FMN2: variants seen among roughly 807,000 people sequenced by gnomAD.
FMN2 encodes the protein formin-2.
In FMN2, 51 loss-of-function variants were observed where a neutral mutation model predicts 142.3. That is an observed-to-expected ratio of 0.36 (90% confidence interval 0.29 to 0.45). FMN2 has a LOEUF of 0.45. FMN2 is among the 20% of genes least tolerant of loss of function. The pLI is 1.00. For synonymous variants in FMN2, 882 were observed against 869.8 expected (o/e 1.01, Z -0.25); for missense variants, 1,936 against 2,122.8 (o/e 0.91, Z 1.73).
At chr1:240,339,427 G>A (rs981702963) in intron 13 of FMN2, among the ~76,000 whole-genome samples, 15 of 151,734 alleles carry the variant, frequency 9.9e-5, no homozygotes, top group Middle Eastern at 3.2e-3. Flanking sequence ...GTATATATAG[G>A]TTTCAGTACC....
intron 14 of FMN2, among the ~76,000 whole-genome samples, chr1:240,360,076 C>T (rs1672409027): frequency 6.6e-6 from 1 of 152,150 alleles, no homozygotes; most frequent in African/African-American, 2.4e-5. Flanking sequence ...TAAAAGGACA[C>T]CGACTAGTAT....
chr1:240,417,261 C>A (rs560881338), intron 15 of FMN2, among the ~76,000 whole-genome samples: 41 of 151,340 alleles, frequency 2.7e-4, no homozygotes, highest in African/African-American at 9.5e-4. Context: ...CACCCTTTAA[C>A]ATCTCTGAGA....
At chr1:240,371,322 C>T (rs1027126527) in intron 14 of FMN2, among the ~76,000 whole-genome samples, 7 of 152,058 alleles carry the variant, frequency 4.6e-5, no homozygotes, top group African/African-American at 1.7e-4. Context: ...AAATTAATTG[C>T]ATATTTTTTC....
At chr1:240,359,793 G>T (rs1041223702) in intron 14 of FMN2, among the ~76,000 whole-genome samples, 5 of 152,190 alleles carry the variant, frequency 3.3e-5, no homozygotes, top group Admixed American at 3.3e-4. Flanking sequence ...AAATTGTTCT[G>T]ACGGCCACCT....
chr1:240,289,601 A>G (rs946009837), intron 7 of FMN2, among the ~76,000 whole-genome samples: 4 of 151,898 alleles, frequency 2.6e-5, no homozygotes, highest in African/African-American at 4.8e-5. Flanking sequence ...GATTGCTTGA[A>G]CCCAGGAGTC....
chr1:240,130,191 G>A (rs1662680110), intron 2 of FMN2, among the ~76,000 whole-genome samples: 1 of 152,180 alleles, frequency 6.6e-6, no homozygotes, highest in Non-Finnish European at 1.5e-5. Context: ...GCACTGCAGA[G>A]GCAGATATAT....
intron 1 of FMN2, among the ~76,000 whole-genome samples, chr1:240,110,183 T>C (rs1054877734): frequency 7.9e-5 from 12 of 152,208 alleles, no homozygotes; most frequent in African/African-American, 2.2e-4. Context: ...CCAGAGTTGC[T>C]GGCTGAGTCA....
chr1:240,321,596 TGTA>T (rs1243007251), intron 8 of FMN2, among the ~76,000 whole-genome samples: 1 of 152,210 alleles, frequency 6.6e-6, no homozygotes, highest in Non-Finnish European at 1.5e-5. Flanking sequence ...ACTAACTTGG[TGTA>T]GTACTAAAGA....
chr1:240,185,309 A>C (rs949345956), intron 3 of FMN2, among the ~76,000 whole-genome samples: 1 of 151,588 alleles, frequency 6.6e-6, no homozygotes, highest in Non-Finnish European at 1.5e-5. Context: ...TTTTTCAGTG[A>C]AGTTATTCTG....
In FMN2 at chr1:240,401,891, T is replaced by TC. The variant is rs1674005020; in HGVS notation, c.4910+9333dup. Among the ~76,000 whole-genome samples, 13 of 152,246 alleles carry TC rather than the reference T, an allele frequency of 8.5e-5. No individual in the cohort carries two copies. The South Asian group carries it at 2.5e-3, about 29-fold the overall frequency. On this transcript the variant is annotated intron_variant, in intron 15 of 17. Transcript: ENST00000319653. ...TACAAGTGAGTAAACCACAGAAAGT[T>TC]CCCCAAGTTCCCGGGCCTCCACTTC... is the stretch of plus-strand genomic sequence containing the variant.
At chr1:240,396,302 T>TTGTGTGTG in intron 15 of FMN2, among the ~76,000 whole-genome samples, 1 of 105,006 alleles carries the variant, frequency 9.5e-6, no homozygotes, top group African/African-American at 4.4e-5. Flanking sequence ...TCCGAGGTTT[T>TTGTGTGTG]CGTGTGTGTG....
chr1:240,346,756 T>A (rs7554978), intron 13 of FMN2, among the ~76,000 whole-genome samples: 94,156 of 151,904 alleles, frequency 0.62, 31,269 homozygotes, highest in African/African-American at 0.88. Flanking sequence ...TTTGAGTTGA[T>A]ATTTAGTCCC....
chr1:240,367,026 G>A (rs12046315), intron 14 of FMN2, among the ~76,000 whole-genome samples: 1 of 152,128 alleles, frequency 6.6e-6, no homozygotes, highest in Non-Finnish European at 1.5e-5. Context: ...AAAATGATTA[G>A]TTCTCATCTG....
chr1:240,274,221 GAA>G (rs112979143), intron 7 of FMN2, among the ~76,000 whole-genome samples: 23 of 109,410 alleles, frequency 2.1e-4, no homozygotes, highest in East Asian at 5.3e-4. Context: ...TGGGGGAAAC[GAA>G]AAAAAAAAAA....
At chr1:240,163,371 C>T (rs1664356837) in intron 2 of FMN2, among the ~76,000 whole-genome samples, 1 of 152,082 alleles carries the variant, frequency 6.6e-6, no homozygotes, top group African/African-American at 2.4e-5. Flanking sequence ...GCTATGTGTG[C>T]TTTGAAGCCT....
intron 13 of FMN2, among the ~76,000 whole-genome samples, chr1:240,348,665 A>G (rs6658239): frequency 0.19 from 28,398 of 152,006 alleles, 2,973 homozygotes; most frequent in Admixed American, 0.3. Flanking sequence ...TGAAGTTTAC[A>G]TCTTCATGAA....
chr1:240,439,144 G>C (rs547335914), intron 16 of FMN2, among the ~76,000 whole-genome samples: 90 of 151,912 alleles, frequency 5.9e-4, no homozygotes, highest in Admixed American at 5.9e-3. Context: ...ATTGTGGTGG[G>C]CACCTGTAAT....
intron 3 of FMN2, among the ~76,000 whole-genome samples, chr1:240,186,877 A>C (rs9970852): frequency 2.0e-5 from 3 of 151,874 alleles, no homozygotes; most frequent in South Asian, 2.1e-4. Context: ...CAGTATGTTA[A>C]GCTGTTTAAA....
At chr1:240,205,492 C>CGCTCTG (rs2103381884) in intron 4 of FMN2, among the ~76,000 whole-genome samples, 1 of 129,668 alleles carries the variant, frequency 7.7e-6, no homozygotes, top group African/African-American at 3.0e-5. Flanking sequence ...GACGGAGTCT[C>CGCTCTG]GCTCTGTCAC....
Sources: gnomAD v4.1 joint callset for allele counts (sites outside exome capture counted in the v4.1 genomes callset) on GRCh38, gnomAD v4.1.1 for gene constraint, MANE v1.5 for transcripts, NCBI Gene and HGNC (gene_info 2026-07-23, HGNC 2026-07-21) for gene names.